TEX9: variants seen among roughly 807,000 people sequenced by gnomAD.
The protein encoded by TEX9 is testis-expressed protein 9.
TEX9 carries 74 observed loss-of-function variants against 59.6 expected under a neutral mutation model. That is an observed-to-expected ratio of 1.24 (90% CI 1.03 to 1.51). TEX9 has a LOEUF of 1.51. TEX9 is among the 40% of genes most tolerant of loss of function. The pLI is 0.00. For missense variants in TEX9, 522 were observed against 447.8 expected (o/e 1.17, Z -1.49); for synonymous variants, 186 against 152.2 (o/e 1.22, Z -1.64).
chr15:56,394,792 A>C, exon 9 of TEX9: 2 of 1,613,186 alleles, frequency 1.2e-6, no homozygotes, highest in Non-Finnish European at 1.7e-6. Context: ...AAGCAAACAA[A>C]AAGTATGATG....
At chr15:56,346,720 A>G (rs1010795473) in intron 1 of TEX9, among the ~76,000 whole-genome samples, 15 of 151,554 alleles carry the variant, frequency 9.9e-5, no homozygotes, top group African/African-American at 3.6e-4. Flanking sequence ...CATAATGTGG[A>G]AAGTCTAGAC....
chr15:56,405,310 G>GA (rs1221876149), intron 9 of TEX9, among the ~76,000 whole-genome samples: 4,491 of 95,962 alleles, frequency 0.047, 259 homozygotes, highest in African/African-American at 0.17. Context: ...CCGTCTCAAA[G>GA]AAAAAAAAAA....
upstream of TEX9, among the ~76,000 whole-genome samples, chr15:56,360,844 G>A (rs1440377193): frequency 2.6e-5 from 4 of 152,054 alleles, no homozygotes; most frequent in Admixed American, 1.3e-4. Flanking sequence ...TTTATACTCC[G>A]GGGCCCTCTG....
chr15:56,352,276 G>A (rs2046598133), intron 1 of TEX9, among the ~76,000 whole-genome samples: 1 of 151,898 alleles, frequency 6.6e-6, no homozygotes, highest in African/African-American at 2.4e-5. Flanking sequence ...ACAGAGTCTC[G>A]CCCTGTCGTC....
chr15:56,432,060 T>G (rs2050611869), intron 12 of TEX9, among the ~76,000 whole-genome samples: 1 of 152,168 alleles, frequency 6.6e-6, no homozygotes, highest in Non-Finnish European at 1.5e-5. Context: ...ACTGTTAATT[T>G]GAGACTGTAC....
At chr15:56,365,189 G>C (rs2046876649), upstream of TEX9, among the ~76,000 whole-genome samples, 1 of 152,126 alleles carries the variant, frequency 6.6e-6, no homozygotes, top group Non-Finnish European at 1.5e-5. Flanking sequence ...TGCCTGTTTT[G>C]GCTGAAACTC....
At chr15:56,329,783 A>C (rs552487014) in intron 1 of TEX9, among the ~76,000 whole-genome samples, 7 of 152,304 alleles carry the variant, frequency 4.6e-5, no homozygotes, top group African/African-American at 1.7e-4. Context: ...CAATGAAGCA[A>C]GCCTACAAGA....
intron 9 of TEX9, among the ~76,000 whole-genome samples, chr15:56,403,416 A>G (rs1210489209): frequency 1.3e-5 from 2 of 152,228 alleles, no homozygotes; most frequent in Non-Finnish European, 2.9e-5. Context: ...TAGGAATCCA[A>G]CTTACAAGGG....
At chr15:56,289,724 C>A (rs1596067993) in intron 1 of TEX9, among the ~76,000 whole-genome samples, 1 of 152,020 alleles carries the variant, frequency 6.6e-6, no homozygotes, top group South Asian at 2.1e-4. Context: ...TGATGAGTGA[C>A]CCCTATGGAG....
At chr15:56,373,355 C>T (rs1185857070) in intron 2 of TEX9, 86 bp from the exon 3 acceptor site, 21 of 1,275,338 alleles carry the variant, frequency 1.6e-5, no homozygotes, top group South Asian at 1.3e-4. Flanking sequence ...TTGTTGATTA[C>T]GTCACTTGAT....
intron 1 of TEX9, among the ~76,000 whole-genome samples, chr15:56,259,276 G>C (rs569685920): frequency 6.6e-6 from 1 of 152,114 alleles, no homozygotes; most frequent in Non-Finnish European, 1.5e-5. Context: ...GACTACAACA[G>C]CAGAGTTAAG....
At chr15:56,340,426 G>A (rs574744165) in intron 1 of TEX9, among the ~76,000 whole-genome samples, 13 of 152,088 alleles carry the variant, frequency 8.5e-5, no homozygotes, top group Admixed American at 2.0e-4. Context: ...TTTATTCAAC[G>A]TCTCTCAAAA....
At chr15:56,362,244 T>C (rs925067904), upstream of TEX9, among the ~76,000 whole-genome samples, 28 of 152,186 alleles carry the variant, frequency 1.8e-4, no homozygotes, top group African/African-American at 6.3e-4. Context: ...ACTGAAGGAG[T>C]AGTATTGAAG....
At chr15:56,364,466 CTTT>C (rs55845567), upstream of TEX9, among the ~76,000 whole-genome samples, 9 of 139,586 alleles carry the variant, frequency 6.4e-5, no homozygotes, top group Middle Eastern at 3.8e-3. Context: ...TTTTTCTTTT[CTTT>C]TTTTTTTTTT....
chr15:56,395,764 A>G (rs1483421825), intron 9 of TEX9: 1 of 152,082 alleles, frequency 6.6e-6, no homozygotes, highest in African/African-American at 2.4e-5. Flanking sequence ...GCATTTGTAT[A>G]TTTTCTTTGG....
chr15:56,440,753 C>T (rs1279209277), intron 12 of TEX9, among the ~76,000 whole-genome samples: 3 of 152,106 alleles, frequency 2.0e-5, no homozygotes, highest in Admixed American at 2.0e-4. Flanking sequence ...TATAACATTC[C>T]TGAGGCACAT....
At chr15:56,344,897 C>T (rs1278899252) in intron 1 of TEX9, among the ~76,000 whole-genome samples, 4 of 151,670 alleles carry the variant, frequency 2.6e-5, no homozygotes, top group Non-Finnish European at 4.4e-5. Flanking sequence ...TGTTTGCCCC[C>T]GTTTAACACA....
chr15:56,310,022 C>A (rs2045573014), intron 1 of TEX9, among the ~76,000 whole-genome samples: 1 of 152,120 alleles, frequency 6.6e-6, no homozygotes, highest in South Asian at 2.1e-4. Context: ...GCCCAATCTT[C>A]AGGTGTTGGC....
chr15:56,249,365 C>T (rs1317054843), intron 1 of TEX9, among the ~76,000 whole-genome samples: 1 of 151,724 alleles, frequency 6.6e-6, no homozygotes, highest in African/African-American at 2.4e-5. Context: ...GGAATTGGAC[C>T]CAGCAATCTG....
Sources: gnomAD v4.1 joint callset for allele counts (sites outside exome capture counted in the v4.1 genomes callset) on GRCh38, gnomAD v4.1.1 for gene constraint, MANE v1.5 for transcripts, NCBI Gene and HGNC (gene_info 2026-07-23, HGNC 2026-07-21) for gene names.